Variants in PTPRJ observed in about 807,000 individuals in gnomAD.
PTPRJ encodes receptor-type tyrosine-protein phosphatase eta.
In PTPRJ, 129 loss-of-function variants were observed where a neutral mutation model predicts 141.3. The ratio of observed to expected loss-of-function variants is 0.91; its 90% CI spans 0.79 to 1.06. The LOEUF is 1.06. Ranked by LOEUF, PTPRJ falls within the 50% of genes least tolerant of loss-of-function variation. PTPRJ has a pLI of 0.00. For synonymous variants in PTPRJ, 610 were observed against 640.5 expected (o/e 0.95, Z 0.72); for missense variants, 1,601 against 1,679.7 (o/e 0.95, Z 0.82).
chr11:48,156,214 AAAACT>A (rs1402503655), intron 21 of PTPRJ, 95 bp downstream of exon 21: 1 of 1,144,414 alleles, frequency 8.7e-7, no homozygotes, highest in East Asian at 2.6e-5. Context: ...TTTCTTTAAA[AAAACT>A]CAAACATTAG....
At chr11:48,016,368 G>A (rs1168398188) in intron 1 of PTPRJ, among the ~76,000 whole-genome samples, 2 of 152,224 alleles carry the variant, frequency 1.3e-5, no homozygotes, top group African/African-American at 2.4e-5. Flanking sequence ...ATGAAGAAAC[G>A]GAGACCTACA....
At chr11:48,038,680 C>T (rs1379802722) in intron 1 of PTPRJ, among the ~76,000 whole-genome samples, 4 of 151,344 alleles carry the variant, frequency 2.6e-5, no homozygotes, top group Non-Finnish European at 2.9e-5. Context: ...TTAGTAGAGA[C>T]GGGGTTTCAC....
chr11:48,015,204 A>G (rs1398645371), intron 1 of PTPRJ, among the ~76,000 whole-genome samples: 1 of 152,020 alleles, frequency 6.6e-6, no homozygotes, highest in African/African-American at 2.4e-5. Context: ...GTGTCCGTTT[A>G]TGAAGGCCCG....
At chr11:48,021,039 A>G (rs930303486) in intron 1 of PTPRJ, among the ~76,000 whole-genome samples, 2 of 152,152 alleles carry the variant, frequency 1.3e-5, no homozygotes, top group Non-Finnish European at 2.9e-5. Flanking sequence ...CTTCTGTGGT[A>G]GGAGAGTAGA....
intron 21 of PTPRJ, among the ~76,000 whole-genome samples, chr11:48,159,694 G>T (rs57946551): frequency 0.015 from 2,220 of 152,238 alleles, 110 homozygotes; most frequent in East Asian, 0.085. Flanking sequence ...AATTGGAGGT[G>T]GTAGTGTGCT....
At chr11:48,110,759 C>T (rs985455790) in intron 2 of PTPRJ, among the ~76,000 whole-genome samples, 5 of 152,214 alleles carry the variant, frequency 3.3e-5, no homozygotes, top group Middle Eastern at 6.8e-3. Flanking sequence ...GGTGGAAGAT[C>T]GTCATAACCT....
intron 3 of PTPRJ, among the ~76,000 whole-genome samples, chr11:48,114,614 C>A (rs890349707): frequency 2.0e-5 from 3 of 151,976 alleles, no homozygotes; most frequent in Non-Finnish European, 1.5e-5. Context: ...GGAATAAGAA[C>A]CTACTTCTTC....
At chr11:48,135,332 G>C (rs1242747322) in intron 8 of PTPRJ, among the ~76,000 whole-genome samples, 1 of 148,982 alleles carries the variant, frequency 6.7e-6, no homozygotes, top group Non-Finnish European at 1.5e-5. Context: ...GCACCACCAC[G>C]CCCGGCTAAT....
chr11:48,123,859 A>C lies in PTPRJ; in HGVS notation c.863A>C (p.Glu288Ala). Residue 288 changes from glutamate (E) to alanine (A), a missense_variant, in exon 5 of 25, where the codon GAA becomes GCA. Physicochemically the swap from Glu to Ala is moderately radical, Grantham distance 107. Coordinates refer to ENST00000418331, the MANE Select transcript of PTPRJ (RefSeq NM_002843.4). ...ACAAAGGGAGACCCCTTGGGCACAG[A>C]AGGTGGCTTGGGTGAGTTACAAAGG... The part of the protein sequence containing the change: ...NKTKGDPLGT[E>A]GGLDASNTER... 6.2e-7 allele frequency: 1 copy of C among 1,613,890 alleles called. No homozygotes were observed. Among genetic ancestry groups the C allele is most frequent in the Non-Finnish European group, 8.5e-7 (1 of 1,179,836 alleles).
At chr11:48,002,878 TA>T (rs1241378107) in intron 1 of PTPRJ, among the ~76,000 whole-genome samples, 1 of 151,982 alleles carries the variant, frequency 6.6e-6, no homozygotes, top group Non-Finnish European at 1.5e-5. Context: ...CTTGGTCATT[TA>T]AAAAAATTTA....
At chr11:48,099,803 C>G (rs974111293) in intron 1 of PTPRJ, among the ~76,000 whole-genome samples, 1 of 152,116 alleles carries the variant, frequency 6.6e-6, no homozygotes, top group South Asian at 2.1e-4. Flanking sequence ...TTTGTTTTGC[C>G]TTTGCTGATG....
intron 1 of PTPRJ, among the ~76,000 whole-genome samples, chr11:48,086,737 C>CTGTG (rs746652210): frequency 1.3e-5 from 2 of 151,996 alleles, no homozygotes; most frequent in Non-Finnish European, 2.9e-5. Flanking sequence ...AAGGAAGACA[C>CTGTG]TGTGTGTGTG....
intron 1 of PTPRJ, among the ~76,000 whole-genome samples, chr11:48,072,518 T>A (rs1457089321): frequency 6.6e-6 from 1 of 152,190 alleles, no homozygotes; most frequent in Non-Finnish European, 1.5e-5. Flanking sequence ...TGGCAAGAAG[T>A]ATCAAACTAC....
intron 24 of PTPRJ, among the ~76,000 whole-genome samples, chr11:48,165,242 C>T (rs977897112): frequency 5.3e-5 from 8 of 152,170 alleles, no homozygotes; most frequent in Non-Finnish European, 7.3e-5. Context: ...AATGATGTGA[C>T]ATATCATAAT....
intron 6 of PTPRJ, 76 bp downstream of exon 6, chr11:48,125,262 G>T: frequency 3.3e-6 from 5 of 1,511,214 alleles, no homozygotes; most frequent in Non-Finnish European, 4.6e-6. Flanking sequence ...TTCTGATTCT[G>T]AGTGATTTCT....
chr11:48,135,038 A>G (rs1229492276), intron 8 of PTPRJ, among the ~76,000 whole-genome samples: 2 of 152,206 alleles, frequency 1.3e-5, no homozygotes, highest in Non-Finnish European at 2.9e-5. Context: ...TTGAGATATA[A>G]TATACATACC....
At chr11:48,016,598 C>A (rs1251854960) in intron 1 of PTPRJ, among the ~76,000 whole-genome samples, 1 of 152,172 alleles carries the variant, frequency 6.6e-6, no homozygotes, top group Non-Finnish European at 1.5e-5. Flanking sequence ...GGGGAAGTCA[C>A]TTTTCTGAGC....
chr11:48,058,135 C>G (rs528744082), intron 1 of PTPRJ, among the ~76,000 whole-genome samples: 1 of 152,268 alleles, frequency 6.6e-6, no homozygotes, highest in East Asian at 1.9e-4. Flanking sequence ...TGGTCTTCAA[C>G]TACTGGCCTC....
At chr11:48,095,269 T>C (rs1855974089) in intron 1 of PTPRJ, among the ~76,000 whole-genome samples, 1 of 152,246 alleles carries the variant, frequency 6.6e-6, no homozygotes. Context: ...AAGTGTTTTA[T>C]TAGATGGCAA....
Sources: allele counts gnomAD v4.1 joint callset (sites outside exome capture counted in the v4.1 genomes callset), GRCh38; gene constraint gnomAD v4.1.1; transcripts MANE v1.5; gene names NCBI Gene and HGNC (gene_info 2026-07-23, HGNC 2026-07-21).